ADD1: variants seen among roughly 807,000 people sequenced by gnomAD.
ADD1 encodes the protein adducin 1, also known as alpha-adducin.
A neutral mutation model predicts 80.5 loss-of-function variants in ADD1; 24 were observed. The ratio of observed to expected loss-of-function variants is 0.30; its 90% confidence interval spans 0.22 to 0.42. The LOEUF (loss-of-function observed/expected upper bound fraction) is 0.42, where lower values mean the gene tolerates loss of function less well. ADD1 is among the 10% of genes least tolerant of loss of function. The pLI, the probability that ADD1 is intolerant of heterozygous loss-of-function variation, is 1.00. For synonymous variants in ADD1, 373 were observed against 393.8 expected (o/e 0.95, Z 0.63); for missense variants, 948 against 1,019.0 (o/e 0.93, Z 0.95).
At chr4:2,907,939 G>T (rs1027348797) in intron 11 of ADD1, 95 bp downstream of exon 11, 1 of 943,732 alleles carries the variant, frequency 1.1e-6, no homozygotes, top group Non-Finnish European at 1.7e-6. Flanking sequence ...TTCTAGCAGA[G>T]GGCATCTGCT....
At chr4:2,844,646 G>A (rs1231039589) in intron 1 of ADD1, 1 of 152,060 alleles carries the variant, frequency 6.6e-6, no homozygotes, top group African/African-American at 2.4e-5. Context: ...TTTTATCTTT[G>A]CTCTTGTAAT....
intron 2 of ADD1, among the ~76,000 whole-genome samples, chr4:2,879,019 AGTGCTGACCATGGAC>A (rs1731800520): frequency 6.6e-6 from 1 of 152,148 alleles, no homozygotes; most frequent in Admixed American, 6.5e-5. Context: ...GAGCAGGTGT[AGTGCTGACCATGGAC>A]GTGGGAGCCT....
intron 14 of ADD1, among the ~76,000 whole-genome samples, chr4:2,922,480 C>G (rs912687463): frequency 6.6e-6 from 1 of 152,224 alleles, no homozygotes; most frequent in Non-Finnish European, 1.5e-5. Context: ...TGCAGAACAG[C>G]AAAGATCGCT....
At chr4:2,865,796 A>G (rs1729459331) in intron 1 of ADD1, among the ~76,000 whole-genome samples, 1 of 152,250 alleles carries the variant, frequency 6.6e-6, no homozygotes, top group Non-Finnish European at 1.5e-5. Flanking sequence ...GAAAGATTTC[A>G]TCACTTCAAC....
intron 13 of ADD1, 23 bp from the exon 14 acceptor site, chr4:2,914,861 C>T: frequency 6.3e-7 from 1 of 1,594,986 alleles, no homozygotes; most frequent in Non-Finnish European, 8.6e-7. Flanking sequence ...CTCCTGCAGA[C>T]CAGATGTGCC....
Position 2,918,172 on chromosome 4 carries a change from A to G in ADD1, c.1948+3132A>G, listed in dbSNP as rs981877193. ...ATCCATGAGCATGGAATGTTTTTCT[A>G]TTTGTTTGTGTCCTATTTCGCTGAG... On this transcript the variant is annotated intron_variant, in intron 14 of 15. Coordinates refer to ENST00000683351, the MANE Select transcript of ADD1 (RefSeq NM_001354761.2). 9.9e-5 allele frequency among the ~76,000 whole-genome samples: 15 copies of G among 152,068 alleles called. 1 individual carries two copies. The highest frequency in any genetic ancestry group is 9.2e-4 in the Admixed American group (14 of 15,258).
At chr4:2,856,922 A>AT (rs1728167021) in intron 1 of ADD1, among the ~76,000 whole-genome samples, 3 of 133,442 alleles carry the variant, frequency 2.2e-5, no homozygotes, top group East Asian at 2.3e-4. Context: ...TTTATTTTTT[A>AT]TTTTTTTTGA....
In ADD1 at chr4:2,921,948, C is replaced by T. The variant is rs181127020; in HGVS notation, c.1949-4066C>T. Reference sequence around the variant, plus strand: ...TTTGGCTATTGATGCTTGTGTATGCCTCACGAAGTTCTCATGCTGTGTTTT... The same window carrying T: ...TTTGGCTATTGATGCTTGTGTATGCTTCACGAAGTTCTCATGCTGTGTTTT... On this transcript the variant is annotated intron_variant, in intron 14 of 15. Coordinates refer to ENST00000683351, the MANE Select transcript of ADD1 (RefSeq NM_001354761.2). Among the ~76,000 whole-genome samples, 168 of 151,754 alleles carry T rather than the reference C, an allele frequency of 1.1e-3. 1 individual carries two copies. The highest frequency in any genetic ancestry group is 3.6e-3 in the Admixed American group (55 of 15,202).
At chr4:2,873,806 A>G (rs1299043129) in intron 1 of ADD1, among the ~76,000 whole-genome samples, 1 of 152,236 alleles carries the variant, frequency 6.6e-6, no homozygotes, top group Non-Finnish European at 1.5e-5. Flanking sequence ...ATATTGCCAG[A>G]TAACTCTTAT....
chr4:2,920,809 TTAA>T (rs1739892818), intron 14 of ADD1, among the ~76,000 whole-genome samples: 1 of 152,214 alleles, frequency 6.6e-6, no homozygotes, highest in South Asian at 2.1e-4. Context: ...TCTGTGTCTT[TTAA>T]TTGGGGCATT....
chr4:2,889,260 T>C (rs1733913495), intron 4 of ADD1, among the ~76,000 whole-genome samples: 1 of 152,226 alleles, frequency 6.6e-6, no homozygotes, highest in African/African-American at 2.4e-5. Context: ...CAATGATGGC[T>C]GCTGGGATGC....
intron 14 of ADD1, among the ~76,000 whole-genome samples, chr4:2,922,468 G>C (rs900686814): frequency 2.0e-5 from 3 of 152,212 alleles, no homozygotes; most frequent in African/African-American, 7.2e-5. Context: ...ACCAGCAGAG[G>C]CTGCAGAACA....
At position 2,928,449 on chromosome 4, in the gene ADD1, TC is replaced by T; in HGVS notation, c.2330del (p.Pro777ArgfsTer14). 6.2e-7 allele frequency: 1 copy of T among 1,613,348 alleles called. No homozygotes were observed. On this transcript the variant is annotated frameshift_variant, in exon 16 of 16. Coordinates refer to ENST00000683351, the MANE Select transcript of ADD1 (RefSeq NM_001354761.2). LOFTEE classifies it high-confidence loss of function. ...DPGSDGSPGK[S>X]PSKKKKKFRT... The stretch of plus-strand genomic sequence containing the variant: ...TGGCAGCGATGGGTCTCCAGGCAAG[TC>T]CCCGTCCAAAAAGAAGAAGAAGTTC...
chr4:2,868,235 G>A (rs566024091), intron 1 of ADD1: 3 of 152,292 alleles, frequency 2.0e-5, no homozygotes, highest in African/African-American at 7.2e-5. Context: ...GATAGCGCCA[G>A]ATGTTGGGCT....
Position 2,894,716 on chromosome 4 carries a change from C to G in ADD1, c.726C>G (p.Thr242=), listed in dbSNP as rs374132765. 1.9e-6 allele frequency: 3 copies of G among 1,601,118 alleles called. No homozygotes were observed. In the African/African-American group the frequency reaches 4.1e-5, roughly 22 times the overall value. ...TGAAGTGCGTCGTGCACATTCACACCCCAGCAGGGGCTGCGGTGAGTGGCT... is the reference window on the plus strand; with the variant it reads ...TGAAGTGCGTCGTGCACATTCACACGCCAGCAGGGGCTGCGGTGAGTGGCT... ...PDVKCVVHIH[T]PAGAAVSAMK... is the part of the protein sequence containing the mutation. The change falls in exon 6 of 16, where the codon ACC becomes ACG. Residue 242 remains threonine (T), a synonymous_variant. Coordinates refer to ENST00000683351, the MANE Select transcript of ADD1 (RefSeq NM_001354761.2).
chr4:2,863,219 A>T (rs1335527853), intron 1 of ADD1, among the ~76,000 whole-genome samples: 70 of 123,766 alleles, frequency 5.7e-4, no homozygotes, highest in South Asian at 2.8e-3. Flanking sequence ...CTAATTTTTA[A>T]TTTTTTTTTT....
At chr4:2,906,682 G>A (rs1401845006) in intron 10 of ADD1, among the ~76,000 whole-genome samples, 1 of 152,186 alleles carries the variant, frequency 6.6e-6, no homozygotes, top group African/African-American at 2.4e-5. Flanking sequence ...TTTCAAATGT[G>A]TTCAAGTTTC....
At chr4:2,850,309 C>G (rs954351690) in intron 1 of ADD1, among the ~76,000 whole-genome samples, 6 of 152,318 alleles carry the variant, frequency 3.9e-5, no homozygotes, top group Middle Eastern at 3.4e-3. Context: ...ACTCTCTTGC[C>G]CAGGCTGGAG....
chr4:2,848,697 G>C (rs1202531526), intron 1 of ADD1, among the ~76,000 whole-genome samples: 1 of 151,316 alleles, frequency 6.6e-6, no homozygotes, highest in Non-Finnish European at 1.5e-5. Flanking sequence ...GGCTGGTCTT[G>C]AATTCCTGGT....
Sources: allele counts gnomAD v4.1 joint callset (sites outside exome capture counted in the v4.1 genomes callset), GRCh38; gene constraint gnomAD v4.1.1; transcripts MANE v1.5; gene names NCBI Gene and HGNC (gene_info 2026-07-23, HGNC 2026-07-21).